Variants in FBXL7 observed in about 807,000 individuals in gnomAD.
The protein encoded by FBXL7 is F-box/LRR-repeat protein 7.
FBXL7 carries 12 observed loss-of-function variants against 38.3 expected under a neutral mutation model. The ratio of observed to expected loss-of-function variants is 0.31; its 90% CI spans 0.20 to 0.51. FBXL7 has a LOEUF of 0.51. Ranked by LOEUF, FBXL7 falls within the 20% of genes least tolerant of loss-of-function variation. The pLI is 0.98. For missense variants in FBXL7, 567 were observed against 676.4 expected (o/e 0.84, Z 1.79); for synonymous variants, 297 against 300.9 (o/e 0.99, Z 0.13).
At chr5:15,593,562 G>A (rs868701206) in intron 1 of FBXL7, among the ~76,000 whole-genome samples, 1 of 151,970 alleles carries the variant, frequency 6.6e-6, no homozygotes, top group African/African-American at 2.4e-5. Context: ...TCTCTGCTTG[G>A]TGTGGAATTC....
intron 2 of FBXL7, among the ~76,000 whole-genome samples, chr5:15,701,141 A>G (rs1338727204): frequency 6.6e-6 from 1 of 152,020 alleles, no homozygotes; most frequent in Non-Finnish European, 1.5e-5. Context: ...TTCTATCGAT[A>G]TTTTTGGTTT....
chr5:15,683,582 G>A (rs1012878338), intron 2 of FBXL7, among the ~76,000 whole-genome samples: 1 of 152,152 alleles, frequency 6.6e-6, no homozygotes, highest in African/African-American at 2.4e-5. Context: ...TAGGAAGAAA[G>A]GAAATTTATT....
At chr5:15,931,424 T>A (rs1000125639) in intron 3 of FBXL7, among the ~76,000 whole-genome samples, 1 of 152,034 alleles carries the variant, frequency 6.6e-6, no homozygotes, top group Non-Finnish European at 1.5e-5. Context: ...ACCAGTAGAG[T>A]CCTGTTCAGG....
intron 2 of FBXL7, among the ~76,000 whole-genome samples, chr5:15,658,421 C>T (rs1057190221): frequency 9.9e-5 from 15 of 152,118 alleles, no homozygotes; most frequent in African/African-American, 2.2e-4. Flanking sequence ...ATAATTGAAT[C>T]GTGAGGGCAG....
chr5:15,669,102 C>G (rs1742377289), intron 2 of FBXL7, among the ~76,000 whole-genome samples: 1 of 152,116 alleles, frequency 6.6e-6, no homozygotes, highest in Non-Finnish European at 1.5e-5. Flanking sequence ...CTGTGTTACT[C>G]ATCTTTGTGT....
At chr5:15,863,723 G>A (rs1363814241) in intron 2 of FBXL7, among the ~76,000 whole-genome samples, 2 of 152,134 alleles carry the variant, frequency 1.3e-5, no homozygotes, top group Non-Finnish European at 2.9e-5. Context: ...CTCTCTTTTG[G>A]TGATGAGTGA....
chr5:15,813,622 C>A (rs888127531), intron 2 of FBXL7, among the ~76,000 whole-genome samples: 3 of 152,112 alleles, frequency 2.0e-5, no homozygotes, highest in Admixed American at 6.6e-5. Flanking sequence ...AAGAAACTAT[C>A]ATCAGAGTGA....
chr5:15,548,530 C>G (rs1737978144), intron 1 of FBXL7, among the ~76,000 whole-genome samples: 1 of 152,162 alleles, frequency 6.6e-6, no homozygotes, highest in African/African-American at 2.4e-5. Flanking sequence ...GTTCCTCAGT[C>G]TCCTCATCTA....
intron 2 of FBXL7, among the ~76,000 whole-genome samples, chr5:15,759,690 A>T (rs1054468769): frequency 6.6e-6 from 1 of 152,234 alleles, no homozygotes; most frequent in Non-Finnish European, 1.5e-5. Flanking sequence ...ATTTCAATAG[A>T]TGTTCATTCA....
intron 1 of FBXL7, among the ~76,000 whole-genome samples, chr5:15,567,929 T>C (rs1738641025): frequency 6.6e-6 from 1 of 152,186 alleles, no homozygotes; most frequent in Admixed American, 6.5e-5. Context: ...CATATACTCA[T>C]CATTTTTTAT....
intron 1 of FBXL7, among the ~76,000 whole-genome samples, chr5:15,543,660 T>A (rs1737819710): frequency 6.6e-6 from 1 of 152,190 alleles, no homozygotes; most frequent in South Asian, 2.1e-4. Flanking sequence ...AATGGGAATT[T>A]GACAAGTCAG....
chr5:15,915,630 T>C (rs1741564750), intron 2 of FBXL7, among the ~76,000 whole-genome samples: 1 of 152,200 alleles, frequency 6.6e-6, no homozygotes, highest in South Asian at 2.1e-4. Context: ...GACACAGGGC[T>C]GGTTAAGACT....
chr5:15,664,137 A>T (rs1742190181), intron 2 of FBXL7, among the ~76,000 whole-genome samples: 1 of 152,012 alleles, frequency 6.6e-6, no homozygotes, highest in African/African-American at 2.4e-5. Flanking sequence ...ATTTTTTTAT[A>T]TTGGGGTTTC....
chr5:15,681,520 A>G (rs1742844355), intron 2 of FBXL7, among the ~76,000 whole-genome samples: 2 of 152,220 alleles, frequency 1.3e-5, no homozygotes, highest in Admixed American at 1.3e-4. Context: ...TGCATAGATT[A>G]GAGAAAAGAC....
intron 1 of FBXL7, among the ~76,000 whole-genome samples, chr5:15,527,455 T>C (rs1037931960): frequency 2.0e-5 from 3 of 152,216 alleles, no homozygotes; most frequent in African/African-American, 7.2e-5. Flanking sequence ...GCCATGATGA[T>C]TTTTAAATTC....
intron 2 of FBXL7, among the ~76,000 whole-genome samples, chr5:15,681,424 C>T (rs1048405637): frequency 9.9e-5 from 15 of 152,096 alleles, no homozygotes; most frequent in Admixed American, 7.9e-4. Context: ...AAAATGTTCT[C>T]AACATATTGA....
chr5:15,750,811 C>A (rs558905571), intron 2 of FBXL7, among the ~76,000 whole-genome samples: 1 of 152,188 alleles, frequency 6.6e-6, no homozygotes, highest in Non-Finnish European at 1.5e-5. Context: ...CATACAAGAG[C>A]ACAGAAAACC....
intron 2 of FBXL7, among the ~76,000 whole-genome samples, chr5:15,923,800 G>A (rs1188058327): frequency 2.0e-5 from 3 of 152,080 alleles, no homozygotes; most frequent in Non-Finnish European, 2.9e-5. Context: ...TTTCCTAAGC[G>A]CTTGGAGTAT....
chr5:15,560,085 G>C (rs1417434990), intron 1 of FBXL7, among the ~76,000 whole-genome samples: 1 of 152,116 alleles, frequency 6.6e-6, no homozygotes, highest in East Asian at 1.9e-4. Context: ...ACAATATCTT[G>C]CATATTGTTT....
Sources: allele counts gnomAD v4.1 joint callset (sites outside exome capture counted in the v4.1 genomes callset), GRCh38; gene constraint gnomAD v4.1.1; transcripts MANE v1.5; gene names NCBI Gene and HGNC (gene_info 2026-07-23, HGNC 2026-07-21).